The following ALKBH8 variants were observed in gnomAD, a reference collection of about 807,000 sequenced individuals.
ALKBH8 encodes the protein tRNA (carboxymethyluridine(34)-5-O)-methyltransferase ALKBH8.
In ALKBH8, 36 loss-of-function variants were observed where a neutral mutation model predicts 59.8. The observed-to-expected ratio is 0.60, with a 90% CI of 0.46 to 0.79. The LOEUF (loss-of-function observed/expected upper bound fraction) is 0.79. Ranked by LOEUF, ALKBH8 falls within the 30% of genes least tolerant of loss-of-function variation. The pLI is 0.00. For synonymous variants in ALKBH8, 276 were observed against 273.6 expected, an observed-to-expected ratio of 1.01 and a Z score of -0.09; for missense variants, 768 against 801.0, an observed-to-expected ratio of 0.96 and a Z score of 0.50.
chr11:107,523,492 G>A (rs956942242), intron 9 of ALKBH8, among the ~76,000 whole-genome samples: 30 of 151,980 alleles, frequency 2.0e-4, no homozygotes, highest in Non-Finnish European at 7.4e-5. Context: ...CTAATGAAAG[G>A]ATACAAAATT....
rs73553639 is a variant in ALKBH8, at chr11:107,532,929, T to C, written c.772-523A>G. Among the ~76,000 whole-genome samples the C allele has an allele frequency of 5.2e-3, 786 of 152,280 alleles. 4 individuals are homozygous for C. Among genetic ancestry groups the C allele is most frequent in the African/African-American group, 0.018 (744 of 41,560 alleles). On this transcript the variant is annotated intron_variant, in intron 7 of 11. Transcript: ENST00000428149. ...ATAAATACACAAAAACTAGCTATTG[T>C]TTTTATTATTCATAGAATATTAATA...
At chr11:107,518,724 C>T (rs1342668522) in intron 10 of ALKBH8, among the ~76,000 whole-genome samples, 5 of 152,242 alleles carry the variant, frequency 3.3e-5, no homozygotes, top group East Asian at 3.8e-4. Flanking sequence ...TAGTTAATCC[C>T]ATTTCCTATA....
intron 7 of ALKBH8, among the ~76,000 whole-genome samples, chr11:107,548,611 G>A (rs1293532614): frequency 1.3e-5 from 2 of 152,092 alleles, no homozygotes; most frequent in Non-Finnish European, 2.9e-5. Context: ...TTAATAAGAT[G>A]GTTGTGTCAT....
chr11:107,527,874 G>C (rs1409946724), intron 8 of ALKBH8, among the ~76,000 whole-genome samples: 1 of 151,942 alleles, frequency 6.6e-6, no homozygotes, highest in Non-Finnish European at 1.5e-5. Context: ...AGTATGAGCG[G>C]ACATCCCTGA....
intron 7 of ALKBH8, among the ~76,000 whole-genome samples, chr11:107,545,217 T>C (rs1864202150): frequency 1.3e-5 from 2 of 152,182 alleles, no homozygotes; most frequent in Admixed American, 6.5e-5. Context: ...TTGTTTTAAG[T>C]GGTATAAAGA....
At chr11:107,515,598 C>T (rs974661540) in intron 10 of ALKBH8, among the ~76,000 whole-genome samples, 1 of 152,168 alleles carries the variant, frequency 6.6e-6, no homozygotes. Flanking sequence ...CTCAGGCAGT[C>T]TTCCCACCTC....
At chr11:107,554,888 G>A (rs1357989032) in intron 3 of ALKBH8, among the ~76,000 whole-genome samples, 2 of 152,102 alleles carry the variant, frequency 1.3e-5, no homozygotes, top group African/African-American at 4.8e-5. Context: ...GAAATATGTT[G>A]TTTTAAAAAG....
At chr11:107,548,501 G>A (rs1424442913) in intron 7 of ALKBH8, among the ~76,000 whole-genome samples, 2 of 152,148 alleles carry the variant, frequency 1.3e-5, no homozygotes, top group Non-Finnish European at 2.9e-5. Flanking sequence ...AGCAAGGATG[G>A]GGGGTAAAAA....
Position 107,532,296 on chromosome 11 carries a change from A to G in ALKBH8, c.878+4T>C. ...AAAGAATCCTGTCATATTTCAATAC[A>G]TACCCATGGGTCCAAAGGTATCTAG... On this transcript the variant is annotated splice_donor_region_variant and intron_variant, in intron 8 of 11. Transcript: ENST00000428149. 6.2e-7 allele frequency: 1 copy of G among 1,610,428 alleles called. No homozygotes were observed. The highest frequency in any genetic ancestry group is 8.5e-7 in the Non-Finnish European group (1 of 1,177,526).
chr11:107,534,429 G>A (rs536404706), intron 7 of ALKBH8, among the ~76,000 whole-genome samples: 2 of 152,238 alleles, frequency 1.3e-5, no homozygotes, highest in African/African-American at 2.4e-5. Flanking sequence ...GATATCAAAG[G>A]CTACAAGAGT....
At chr11:107,523,516 A>G (rs566503433) in intron 9 of ALKBH8, among the ~76,000 whole-genome samples, 2 of 152,242 alleles carry the variant, frequency 1.3e-5, no homozygotes, top group Admixed American at 6.5e-5. Context: ...GTGAGATAGA[A>G]TAAGTCCCAG....
chr11:107,535,575 A>T (rs1044327112), intron 7 of ALKBH8, among the ~76,000 whole-genome samples: 1 of 152,158 alleles, frequency 6.6e-6, no homozygotes, highest in Non-Finnish European at 1.5e-5. Flanking sequence ...TTGTCTATTC[A>T]TGTCCTTAGC....
intron 8 of ALKBH8, among the ~76,000 whole-genome samples, chr11:107,525,884 A>C (rs1341892965): frequency 6.6e-6 from 1 of 152,066 alleles, no homozygotes; most frequent in Non-Finnish European, 1.5e-5. Context: ...GATGATGCCA[A>C]GAGGAAACAA....
At chr11:107,564,149 C>T (rs946731400) in intron 1 of ALKBH8, among the ~76,000 whole-genome samples, 2 of 152,050 alleles carry the variant, frequency 1.3e-5, no homozygotes, top group Non-Finnish European at 2.9e-5. Context: ...GAGTCCGGTT[C>T]AGCCAGCTCC....
chr11:107,533,789 A>C (rs187908168), intron 7 of ALKBH8, among the ~76,000 whole-genome samples: 5 of 152,274 alleles, frequency 3.3e-5, no homozygotes, highest in Admixed American at 3.3e-4. Flanking sequence ...TAGCTAGTAG[A>C]CATATAAGTA....
chr11:107,551,833 G>A lies in ALKBH8; in HGVS notation c.675C>T (p.Thr225=). 3 of 1,543,614 alleles carry A rather than the reference G, an allele frequency of 1.9e-6. No homozygotes were observed. The highest frequency in any genetic ancestry group is 2.6e-6 in the Non-Finnish European group (3 of 1,153,106). The change falls in exon 6 of 12, where the codon ACC becomes ACT. Residue 225 remains threonine, a synonymous_variant. Transcript: ENST00000428149. The stretch of plus-strand genomic sequence containing the variant: ...CTTGCCCAGGTTCATACTGATTTAT[G>A]GTCATTTGATCAGGTTTATGTTTAA... ...GYIKHKPDQM[T]INQYEPGQGI...
chr11:107,526,110 G>A (rs537469659), intron 8 of ALKBH8, among the ~76,000 whole-genome samples: 2 of 152,030 alleles, frequency 1.3e-5, no homozygotes, highest in South Asian at 4.2e-4. Flanking sequence ...TTCCTCTTGG[G>A]TAACTACCTA....
intron 10 of ALKBH8, among the ~76,000 whole-genome samples, chr11:107,518,214 A>C (rs1351900057): frequency 6.6e-6 from 1 of 152,234 alleles, no homozygotes; most frequent in East Asian, 1.9e-4. Context: ...AAACATTAGA[A>C]GGATATTCAT....
chr11:107,530,155 T>C (rs150649167), intron 8 of ALKBH8, among the ~76,000 whole-genome samples: 9 of 152,342 alleles, frequency 5.9e-5, no homozygotes, highest in East Asian at 5.8e-4. Flanking sequence ...TGGACAACTA[T>C]TGCATCAGCC....
Sources: gnomAD v4.1 joint callset for allele counts (sites outside exome capture counted in the v4.1 genomes callset) on GRCh38, gnomAD v4.1.1 for gene constraint, MANE v1.5 for transcripts, NCBI Gene and HGNC (gene_info 2026-07-23, HGNC 2026-07-21) for gene names.